The following MARCHF1 variants were observed in gnomAD, a reference collection of about 807,000 sequenced individuals.
MARCHF1 encodes the protein E3 ubiquitin-protein ligase MARCHF1.
A neutral mutation model predicts 54.2 loss-of-function variants in MARCHF1; 40 were observed. The observed-to-expected ratio is 0.74, with a 90% CI of 0.57 to 0.96. The LOEUF (loss-of-function observed/expected upper bound fraction) is 0.96, where lower values mean the gene tolerates loss of function less well. Ranked by LOEUF, MARCHF1 falls within the 40% of genes least tolerant of loss-of-function variation. The probability of loss-of-function intolerance (pLI) is 0.00; values close to 1 mark genes in which losing one functional copy is unlikely to be tolerated. For synonymous variants in MARCHF1, 236 were observed against 236.3 expected (o/e 1.00, Z 0.01); for missense variants, 586 against 656.5 (o/e 0.89, Z 1.17).
intron 8 of MARCHF1, chr4:163,555,839 C>T (rs914102483): frequency 1.5e-5 from 6 of 409,736 alleles, no homozygotes; most frequent in African/African-American, 6.2e-5. Context: ...GTGGGCTCTT[C>T]GCCTCTTACC....
chr4:164,205,558 T>C (rs62347979), intron 1 of MARCHF1, among the ~76,000 whole-genome samples: 57,868 of 152,002 alleles, frequency 0.38, 12,627 homozygotes, highest in Non-Finnish European at 0.5. Context: ...CCTATTTAAT[T>C]TAAAATAACC....
At chr4:163,894,600 G>A (rs1750738748) in intron 3 of MARCHF1, among the ~76,000 whole-genome samples, 1 of 136,272 alleles carries the variant, frequency 7.3e-6, no homozygotes, top group Non-Finnish European at 1.6e-5. Flanking sequence ...ATATATGCAT[G>A]TGATGCATAT....
intron 3 of MARCHF1, among the ~76,000 whole-genome samples, chr4:163,946,002 T>TA (rs11375749): frequency 0.53 from 79,485 of 149,884 alleles, 22,471 homozygotes; most frequent in Middle Eastern, 0.67. Flanking sequence ...TTAGTGCATT[T>TA]AAAAAAAAAA....
chr4:164,240,844 C>T (rs1309519693), intron 1 of MARCHF1, among the ~76,000 whole-genome samples: 2 of 151,938 alleles, frequency 1.3e-5, no homozygotes, highest in Non-Finnish European at 2.9e-5. Context: ...GGACTGAAAC[C>T]ACCATTGTAA....
At chr4:163,741,397 C>T (rs1444349670) in intron 4 of MARCHF1, among the ~76,000 whole-genome samples, 4 of 151,824 alleles carry the variant, frequency 2.6e-5, no homozygotes, top group African/African-American at 4.8e-5. Flanking sequence ...CAACTCTGGC[C>T]AACATGATGA....
At chr4:164,263,450 TCA>T (rs904361276) in intron 1 of MARCHF1, among the ~76,000 whole-genome samples, 22 of 152,276 alleles carry the variant, frequency 1.4e-4, no homozygotes, top group African/African-American at 4.8e-4. Flanking sequence ...CAGTGGTTGT[TCA>T]CAGTCATGAT....
chr4:164,121,400 A>G lies in MARCHF1; in HGVS notation c.-322-9738T>C, dbSNP rs1382399090. ...AGTTCTGCATGGCTGAAGAGGACTCAGGAAACTTACAATCATGGTGGAAGG... is the reference window on the plus strand; with the variant it reads ...AGTTCTGCATGGCTGAAGAGGACTCGGGAAACTTACAATCATGGTGGAAGG... On this transcript the variant is annotated intron_variant, in intron 1 of 9. Transcript: ENST00000514618. 2.6e-5 allele frequency among the ~76,000 whole-genome samples: 4 copies of G among 152,132 alleles called. No individual in the cohort carries two copies. In the East Asian group the frequency reaches 7.7e-4, roughly 29 times the overall value.
At chr4:163,724,221 T>C (rs1295954642) in intron 4 of MARCHF1, among the ~76,000 whole-genome samples, 1 of 152,210 alleles carries the variant, frequency 6.6e-6, no homozygotes, top group Non-Finnish European at 1.5e-5. Context: ...GTCCTTACTG[T>C]TAGTTTTCCT....
intron 4 of MARCHF1, among the ~76,000 whole-genome samples, chr4:163,748,574 A>T (rs1746427596): frequency 6.6e-6 from 1 of 152,204 alleles, no homozygotes; most frequent in South Asian, 2.1e-4. Context: ...TGCTGAGAAC[A>T]GACAATGTGC....
At position 163,545,837 on chromosome 4, in the gene MARCHF1, A is replaced by G. The variant is rs887481542; in HGVS notation, c.1192-94T>C. The G allele has an allele frequency of 9.4e-6, 10 of 1,064,562 alleles. No individual in the cohort carries two copies. In the African/African-American group the frequency reaches 1.4e-4, roughly 15 times the overall value. The allele number at this position is 1,064,562 out of a possible 1,614,324, so 65.9% of individuals were successfully genotyped here. ...CAGACACAGATCATGAATGGAAGAA[A>G]AACAGTAAATATCTGCAATTTCAGA... On this transcript the variant is annotated intron_variant, in intron 8 of 9. Transcript: ENST00000514618.
rs1184867700 is a variant in MARCHF1, at chr4:164,262,107, G to GAA, written c.-323+121761_-323+121762dup. Reference sequence around the variant, plus strand: ...GTGACAGAGCTAGTCCCTATCTTAAGAAAAAAAAAAAAAAAAAAGAATAGA... The same window carrying GAA: ...GTGACAGAGCTAGTCCCTATCTTAAGAAAAAAAAAAAAAAAAAAAAGAATAGA... On this transcript the variant is annotated intron_variant, in intron 1 of 9. Coordinates refer to ENST00000514618, the MANE Select transcript of MARCHF1 (RefSeq NM_001394959.1). 1.8e-4 allele frequency among the ~76,000 whole-genome samples: 13 copies of GAA among 72,294 alleles called. No homozygotes were observed. In the East Asian group the frequency reaches 2.9e-3, roughly 16 times the overall value. 47.4% of individuals were successfully genotyped at this position (72,294 alleles called of 152,430 possible). A position where few individuals can be genotyped will look rare whatever the true frequency, so the allele number is the denominator to read the frequency against.
intron 3 of MARCHF1, among the ~76,000 whole-genome samples, chr4:163,959,853 A>G (rs1367596217): frequency 6.6e-6 from 1 of 152,094 alleles, no homozygotes; most frequent in Non-Finnish European, 1.5e-5. Flanking sequence ...GCACAGCAAA[A>G]GAAACTATTA....
rs577946773 is a variant in MARCHF1 at position 163,960,029 on chromosome 4, C to T, written c.-39+28472G>A. ...CAGATGCTTTTCAAAAGATAATATA[C>T]ATGCGGCCAACAAGCATATGGAAAA... On this transcript the variant is annotated intron_variant, in intron 3 of 9. Coordinates refer to ENST00000514618, the MANE Select transcript of MARCHF1 (RefSeq NM_001394959.1). Among the ~76,000 whole-genome samples, 62 of 152,048 alleles carry T rather than the reference C, an allele frequency of 4.1e-4. No homozygotes were observed. The South Asian group carries it at 0.012, about 31-fold the overall frequency.
chr4:163,934,744 C>A (rs1194107810), intron 3 of MARCHF1, among the ~76,000 whole-genome samples: 6 of 151,926 alleles, frequency 3.9e-5, no homozygotes, highest in Admixed American at 6.6e-5. Flanking sequence ...TTGAACCATG[C>A]AAAGTCATCT....
chr4:163,862,853 T>A (rs973350225), intron 3 of MARCHF1, among the ~76,000 whole-genome samples: 1 of 152,042 alleles, frequency 6.6e-6, no homozygotes, highest in Non-Finnish European at 1.5e-5. Flanking sequence ...CAAATTGTGG[T>A]ACATTCATAC....
rs907674041 is a variant in MARCHF1, at chr4:164,147,475, A to G, written c.-322-35813T>C. On this transcript the variant is annotated intron_variant, in intron 1 of 9. Transcript: ENST00000514618. ...TAAGAAAATGTGGCAGATATACACC[A>G]TGGAATACTATGCAGCCATAAAAAA... 1.7e-4 allele frequency among the ~76,000 whole-genome samples: 20 copies of G among 115,072 alleles called. No homozygotes were observed. In the East Asian group the frequency reaches 2.4e-3, roughly 14 times the overall value. 75.5% of individuals were successfully genotyped at this position (115,072 alleles called of 152,430 possible). A position where few individuals can be genotyped will look rare whatever the true frequency, so the allele number is the denominator to read the frequency against.
At chr4:164,087,558 C>A (rs567419948) in intron 2 of MARCHF1, among the ~76,000 whole-genome samples, 1 of 151,888 alleles carries the variant, frequency 6.6e-6, no homozygotes, top group Non-Finnish European at 1.5e-5. Context: ...AGGTTTTATC[C>A]GAGGATTAAA....
intron 8 of MARCHF1, among the ~76,000 whole-genome samples, chr4:163,560,848 G>T (rs760840960): frequency 6.6e-6 from 1 of 151,976 alleles, no homozygotes; most frequent in Admixed American, 6.6e-5. Context: ...AAATACATTT[G>T]GTTTTTATAT....
chr4:163,744,300 T>A (rs1324235208), intron 4 of MARCHF1, among the ~76,000 whole-genome samples: 1 of 152,202 alleles, frequency 6.6e-6, no homozygotes, highest in Non-Finnish European at 1.5e-5. Flanking sequence ...TATTTCCATA[T>A]TTTAGGTGCA....
Sources: gnomAD v4.1 joint callset for allele counts (sites outside exome capture counted in the v4.1 genomes callset) on GRCh38, gnomAD v4.1.1 for gene constraint, MANE v1.5 for transcripts, NCBI Gene and HGNC (gene_info 2026-07-23, HGNC 2026-07-21) for gene names.